The following PCDH11Y variants were observed in gnomAD, a reference collection of about 807,000 sequenced individuals.
PCDH11Y encodes the protein protocadherin-11 Y-linked.
For missense variants in PCDH11Y, 12 were observed against 224.8 expected (o/e 0.05, Z 6.05); for synonymous variants, 9 against 83.6 (o/e 0.11, Z 4.87).
At chrY:5,517,224 CTT>C (rs2053373470) in intron 3 of PCDH11Y, among the ~76,000 whole-genome samples, 1 of 33,021 alleles carries the variant, frequency 3.0e-5, no homozygotes, top group Non-Finnish European at 7.5e-5. Flanking sequence ...CAATTACTAT[CTT>C]ATCTTTAAGA....
intron 2 of PCDH11Y, among the ~76,000 whole-genome samples, chrY:5,191,925 C>T: frequency 3.2e-5 from 1 of 31,553 alleles, no homozygotes; most frequent in Non-Finnish European, 7.6e-5. Flanking sequence ...GTCCCCAAAC[C>T]GTGGGCCATG....
chrY:5,061,359 G>A (rs2563771), intron 1 of PCDH11Y, among the ~76,000 whole-genome samples: 1 of 33,391 alleles, frequency 3.0e-5, no homozygotes, highest in African/African-American at 1.2e-4. Flanking sequence ...TGCAGTATTT[G>A]GAAGAACTGT....
At chrY:5,643,004 T>C (rs2053524223) in intron 4 of PCDH11Y, among the ~76,000 whole-genome samples, 1 of 33,556 alleles carries the variant, frequency 3.0e-5, no homozygotes, top group Non-Finnish European at 7.4e-5. Flanking sequence ...ATTTTCACTT[T>C]TCTTACTCCC....
chrY:5,532,712 G>A, intron 3 of PCDH11Y, among the ~76,000 whole-genome samples: 1 of 28,664 alleles, frequency 3.5e-5, no homozygotes, highest in Non-Finnish European at 8.2e-5. Context: ...AAATACATGT[G>A]CTATAACTAT....
intron 2 of PCDH11Y, among the ~76,000 whole-genome samples, chrY:5,345,890 T>C: frequency 3.9e-4 from 13 of 33,137 alleles, no homozygotes; most frequent in Non-Finnish European, 9.7e-4. Context: ...CTCGAACTCC[T>C]GAACTCAGGT....
intron 1 of PCDH11Y, among the ~76,000 whole-genome samples, chrY:5,012,087 G>C: frequency 3.5e-5 from 1 of 28,329 alleles, no homozygotes; most frequent in African/African-American, 1.4e-4. Flanking sequence ...AAATGTTCTT[G>C]TAAGTGCTAA....
At chrY:5,371,487 G>A in intron 2 of PCDH11Y, among the ~76,000 whole-genome samples, 1 of 33,602 alleles carries the variant, frequency 3.0e-5, no homozygotes, top group Non-Finnish European at 7.3e-5. Context: ...ATATTTCTTT[G>A]TTTGATGCCT....
At chrY:5,322,915 G>T (rs2124665988) in intron 2 of PCDH11Y, among the ~76,000 whole-genome samples, 1 of 33,052 alleles carries the variant, frequency 3.0e-5, no homozygotes, top group South Asian at 6.7e-4. Context: ...AACTAATAAT[G>T]AACATGATTG....
intron 2 of PCDH11Y, among the ~76,000 whole-genome samples, chrY:5,491,686 G>A: frequency 3.5e-5 from 1 of 28,198 alleles, no homozygotes; most frequent in Non-Finnish European, 8.5e-5. Context: ...GGCTCTGTGG[G>A]TCCTGGCATC....
chrY:5,080,605 T>C (rs2052717611), intron 1 of PCDH11Y, among the ~76,000 whole-genome samples: 1 of 33,783 alleles, frequency 3.0e-5, no homozygotes, highest in Non-Finnish European at 7.3e-5. Context: ...GTGATTTTGG[T>C]TTACATTTCT....
intron 2 of PCDH11Y, among the ~76,000 whole-genome samples, chrY:5,409,979 A>G (rs2053244950): frequency 2.9e-5 from 1 of 33,997 alleles, no homozygotes; most frequent in African/African-American, 1.2e-4. Flanking sequence ...GTTTTCTTCT[A>G]TTCCTGGTGT....
At chrY:5,257,690 T>G (rs1602894737) in intron 2 of PCDH11Y, among the ~76,000 whole-genome samples, 16 of 32,695 alleles carry the variant, frequency 4.9e-4, no homozygotes, top group Admixed American at 1.1e-3. Context: ...ATTGTTGGAT[T>G]AAGTTTGCTA....
intron 4 of PCDH11Y, among the ~76,000 whole-genome samples, chrY:5,670,342 A>G: frequency 3.1e-5 from 1 of 32,272 alleles, no homozygotes; most frequent in Non-Finnish European, 7.7e-5. Context: ...GAATTGCTGG[A>G]TCATATGGTA....
intron 2 of PCDH11Y, among the ~76,000 whole-genome samples, chrY:5,193,068 A>G: frequency 3.0e-5 from 1 of 33,840 alleles, no homozygotes; most frequent in Non-Finnish European, 7.3e-5. Context: ...TCTCACAGTT[A>G]AAGCGACTGA....
intron 2 of PCDH11Y, among the ~76,000 whole-genome samples, chrY:5,122,630 T>C: frequency 3.3e-5 from 1 of 30,564 alleles, no homozygotes; most frequent in African/African-American, 1.3e-4. Flanking sequence ...CTTTGCCCCA[T>C]CCCTGTAAGG....
chrY:5,434,712 G>T (rs2053272120), intron 2 of PCDH11Y, among the ~76,000 whole-genome samples: 1 of 33,365 alleles, frequency 3.0e-5, no homozygotes, highest in Non-Finnish European at 7.4e-5. Context: ...TGCACATAAT[G>T]AATTATAACA....
At chrY:5,117,891 A>G in intron 2 of PCDH11Y, among the ~76,000 whole-genome samples, 1 of 31,237 alleles carries the variant, frequency 3.2e-5, no homozygotes, top group Admixed American at 3.2e-4. Flanking sequence ...TGTGTATCAA[A>G]TATTCATTAT....
chrY:5,285,177 G>A (rs2053058585), intron 2 of PCDH11Y, among the ~76,000 whole-genome samples: 27 of 31,658 alleles, frequency 8.5e-4, no homozygotes, highest in Non-Finnish European at 4.6e-4. Context: ...TCCTGCATAA[G>A]TTCACTTAGG....
chrY:5,379,747 C>G, intron 2 of PCDH11Y, among the ~76,000 whole-genome samples: 2 of 24,190 alleles, frequency 8.3e-5, no homozygotes, highest in Non-Finnish European at 1.9e-4. Flanking sequence ...CCGAGCGGCC[C>G]GATTCCGGGG....
Sources: gnomAD v4.1 joint callset for allele counts (sites outside exome capture counted in the v4.1 genomes callset) on GRCh38, gnomAD v4.1.1 for gene constraint, MANE v1.5 for transcripts, NCBI Gene and HGNC (gene_info 2026-07-23, HGNC 2026-07-21) for gene names.